ODAD4: variants seen among roughly 807,000 people sequenced by gnomAD.
ODAD4 encodes outer dynein arm docking complex subunit 4, also known as outer dynein arm-docking complex subunit 4.
ODAD4 carries 49 observed loss-of-function variants against 51.8 expected under a neutral mutation model. That is an observed-to-expected ratio of 0.95 (90% CI 0.75 to 1.20). The LOEUF (loss-of-function observed/expected upper bound fraction) is 1.20, where lower values mean the gene tolerates loss of function less well. Among genes scored for constraint, ODAD4 ranks in the 50% most tolerant of loss-of-function variants. The pLI, the probability that ODAD4 is intolerant of heterozygous loss-of-function variation, is 0.00. For synonymous variants in ODAD4, 235 were observed against 221.3 expected, an observed-to-expected ratio of 1.06 and a Z score of -0.55; for missense variants, 590 against 586.5, an observed-to-expected ratio of 1.01 and a Z score of -0.06.
At chr17:41,943,272 A>G (rs1284782430) in intron 7 of ODAD4, among the ~76,000 whole-genome samples, 1 of 152,182 alleles carries the variant, frequency 6.6e-6, no homozygotes, top group African/African-American at 2.4e-5. Context: ...AAAAAAGAAT[A>G]TGTCTTCCTC....
Position 41,955,246 on chromosome 17 carries a change from A to C in ODAD4, c.1372A>C (p.Asn458His). 2.6e-6 allele frequency: 2 copies of C among 779,740 alleles called. No individual in the cohort carries two copies. Among genetic ancestry groups the C allele is most frequent in the East Asian group, 4.8e-5 (2 of 41,242 alleles). The allele number at this position is 779,740 out of a possible 1,614,324, so 48.3% of individuals were successfully genotyped here. A position where few individuals can be genotyped will look rare whatever the true frequency, so the allele number is the denominator to read the frequency against. ...VKLRDFESAV[N>H]NFEKALERAK... ...GCTGAGAGACTTCGAGTCAGCCGTGAACAATTTTGAGAAGGCCCTGGAGAG... is the reference window on the plus strand; with the variant it reads ...GCTGAGAGACTTCGAGTCAGCCGTGCACAATTTTGAGAAGGCCCTGGAGAG... The change falls in exon 10 of 12, where the codon AAC (asparagine) becomes CAC (histidine). Residue 458 changes from asparagine (N) to histidine (H), a missense_variant. Coordinates refer to ENST00000377540, the MANE Select transcript of ODAD4 (RefSeq NM_031421.5).
At chr17:41,930,881 CTTTTTTT>C (rs782820445) in intron 1 of ODAD4, 44 bp downstream of exon 1, 36 of 97,198 alleles carry the variant, frequency 3.7e-4, no homozygotes, top group South Asian at 8.0e-4. Flanking sequence ...TCACCCGTCA[CTTTTTTT>C]TTTTTTTTTT....
At chr17:41,963,605 A>G (rs1484521952) in intron 11 of ODAD4, among the ~76,000 whole-genome samples, 2 of 151,078 alleles carry the variant, frequency 1.3e-5, no homozygotes, top group African/African-American at 2.4e-5. Flanking sequence ...TCACTTGCAC[A>G]CTTGCAGTGT....
At chr17:41,932,947 G>A (rs1211234826) in intron 1 of ODAD4, among the ~76,000 whole-genome samples, 3 of 152,076 alleles carry the variant, frequency 2.0e-5, no homozygotes, top group African/African-American at 7.2e-5. Context: ...TCTAGATGGA[G>A]TGATAGGATA....
At position 41,955,319 on chromosome 17, in the gene ODAD4, T is replaced by C. The variant is rs1555640850; in HGVS notation, c.1443+2T>C. On this transcript the variant is annotated splice_donor_variant, in intron 10 of 11. Coordinates refer to ENST00000377540, the MANE Select transcript of ODAD4 (RefSeq NM_031421.5). LOFTEE classifies it high-confidence loss of function. Reference sequence around the variant, plus strand: ...GAGGCGCAGCAGGCCATCATCAGTGTGAGCCTTTCCACCCGCCGGGCTTCG... The same window carrying C: ...GAGGCGCAGCAGGCCATCATCAGTGCGAGCCTTTCCACCCGCCGGGCTTCG... 2 of 775,902 alleles carry C rather than the reference T, an allele frequency of 2.6e-6. No individual in the cohort carries two copies. The highest frequency in any genetic ancestry group is 4.8e-6 in the Non-Finnish European group (2 of 416,126). The allele number at this position is 775,902 out of a possible 1,614,324, so 48.1% of individuals were successfully genotyped here.
chr17:41,947,858 G>T (rs1310695465), intron 8 of ODAD4, among the ~76,000 whole-genome samples: 3 of 151,794 alleles, frequency 2.0e-5, no homozygotes, highest in African/African-American at 7.3e-5. Flanking sequence ...GGTGGCTCAC[G>T]CCTGTAATCC....
chr17:41,932,580 T>C (rs1555637096), intron 1 of ODAD4, among the ~76,000 whole-genome samples: 1 of 152,068 alleles, frequency 6.6e-6, no homozygotes, highest in Non-Finnish European at 1.5e-5. Flanking sequence ...GATCTCGTTC[T>C]GTCTCCCAAG....
In ODAD4 at chr17:41,961,290, C is replaced by G. The variant is rs782686005; in HGVS notation, c.1444-92C>G. The G allele has an allele frequency of 1.2e-5, 8 of 681,824 alleles. No homozygotes were observed. In the Admixed American group the frequency reaches 1.3e-4, roughly 11 times the overall value. The allele number at this position is 681,824 out of a possible 1,614,324, so 42.2% of individuals were successfully genotyped here. A position where few individuals can be genotyped will look rare whatever the true frequency, so the allele number is the denominator to read the frequency against. On this transcript the variant is annotated intron_variant, in intron 10 of 11. Transcript: ENST00000377540. ...GGAAACCAAGGGTGGCAGGTTCCCA[C>G]CAGAGCCCTGCCTTCTGGGATTGAT...
intron 4 of ODAD4, 33 bp downstream of exon 4, chr17:41,936,567 C>T (rs2144493244): frequency 6.3e-7 from 1 of 1,592,866 alleles, no homozygotes; most frequent in Non-Finnish European, 8.6e-7. Flanking sequence ...TGTATCCCTC[C>T]AAGGGAAGAG....
In ODAD4 at chr17:41,930,668, G is replaced by A. The variant is rs2050312035; in HGVS notation, c.-56G>A. 2 of 1,164,724 alleles carry A rather than the reference G, an allele frequency of 1.7e-6. No individual in the cohort carries two copies. Among genetic ancestry groups the A allele is most frequent in the Non-Finnish European group, 2.5e-6 (2 of 794,642 alleles). 72.1% of individuals were successfully genotyped at this position (1,164,724 alleles called of 1,614,324 possible). A position where few individuals can be genotyped will look rare whatever the true frequency, so the allele number is the denominator to read the frequency against. On this transcript the variant is annotated 5_prime_UTR_variant, in exon 1 of 12. Transcript: ENST00000377540. ...ACGGAGCTTCCACAAACCAGATAGA[G>A]GTTCTCCAGCTTTTCTTTGATTGTC... is the stretch of plus-strand genomic sequence containing the variant.
intron 5 of ODAD4, among the ~76,000 whole-genome samples, chr17:41,937,486 T>C (rs2050444668): frequency 6.6e-6 from 1 of 151,628 alleles, no homozygotes; most frequent in African/African-American, 2.4e-5. Flanking sequence ...GCTCTTTCTT[T>C]TAAAGACAGA....
chr17:41,946,470 G>A (rs914147169), intron 8 of ODAD4, among the ~76,000 whole-genome samples: 3 of 152,104 alleles, frequency 2.0e-5, no homozygotes, highest in Non-Finnish European at 2.9e-5. Flanking sequence ...CACTACAGGC[G>A]CCCGCCACCA....
chr17:41,935,617 G>A lies in ODAD4; in HGVS notation c.265G>A (p.Glu89Lys). The A allele has an allele frequency of 6.2e-7, 1 of 1,612,806 alleles. No homozygotes were observed. Residue 89 changes from glutamate (E) to lysine (K), a missense_variant, in exon 3 of 12, where the codon GAG (glutamate) becomes AAG (lysine). Physicochemically the swap from Glu to Lys is moderately conservative, Grantham distance 56. This residue lies in a region of ODAD4 where 360 missense variants were observed against 407.5 expected (regional missense o/e 0.88). Coordinates refer to ENST00000377540, the MANE Select transcript of ODAD4 (RefSeq NM_031421.5). ...AFCKGILQKA[E>K]TLYTMGDFEF... ...ATTCCAGGGGATTTTGCAAAAGGCTGAGACACTGTACACCATGGGAGACTT... is the reference window on the plus strand; with the variant it reads ...ATTCCAGGGGATTTTGCAAAAGGCTAAGACACTGTACACCATGGGAGACTT...
intron 2 of ODAD4, 121 bp from the exon 3 acceptor site, chr17:41,935,478 C>G: frequency 6.6e-7 from 1 of 1,504,366 alleles, no homozygotes; most frequent in Non-Finnish European, 8.9e-7. Flanking sequence ...TAGGTCATTG[C>G]CTAAGTCCCT....
chr17:41,935,559 C>T, intron 2 of ODAD4, 40 bp from the exon 3 acceptor site: 4 of 1,590,938 alleles, frequency 2.5e-6, no homozygotes, highest in Non-Finnish European at 3.4e-6. Context: ...TCCTATAAGG[C>T]CTTATCTGTT....
chr17:41,934,711 TA>T (rs1283923788), intron 1 of ODAD4, among the ~76,000 whole-genome samples: 29 of 152,170 alleles, frequency 1.9e-4, no homozygotes, highest in African/African-American at 7.0e-4. Flanking sequence ...ATTAGCTACA[TA>T]AAAAGAGAAG....
intron 10 of ODAD4, among the ~76,000 whole-genome samples, chr17:41,960,433 G>A (rs1321922514): frequency 6.9e-6 from 1 of 145,902 alleles, no homozygotes; most frequent in Non-Finnish European, 1.5e-5. Context: ...GCATGATAGA[G>A]CGAGACTCTG....
intron 1 of ODAD4, among the ~76,000 whole-genome samples, chr17:41,934,650 C>A (rs1398756003): frequency 6.6e-6 from 1 of 152,236 alleles, no homozygotes; most frequent in South Asian, 2.1e-4. Context: ...CCACTCCCAG[C>A]CTTTTCCTGG....
At chr17:41,958,110 G>A (rs1265650257) in intron 10 of ODAD4, among the ~76,000 whole-genome samples, 1 of 152,058 alleles carries the variant, frequency 6.6e-6, no homozygotes, top group Admixed American at 6.6e-5. Context: ...AACATATGCT[G>A]TTATCTCTGC....
Sources: gnomAD v4.1 joint callset for allele counts (sites outside exome capture counted in the v4.1 genomes callset) on GRCh38, gnomAD v4.1.1 for gene constraint, gnomAD v4.1.1 regional missense constraint, MANE v1.5 for transcripts, NCBI Gene and HGNC (gene_info 2026-07-23, HGNC 2026-07-21) for gene names.